The following GPC5 variants were observed in gnomAD, a reference collection of about 807,000 sequenced individuals.
The protein encoded by GPC5 is glypican 5.
A neutral mutation model predicts 53.9 loss-of-function variants in GPC5; 47 were observed. That is an observed-to-expected ratio of 0.87 (90% CI 0.69 to 1.11). The LOEUF (loss-of-function observed/expected upper bound fraction) is 1.11. Ranked by LOEUF, GPC5 falls within the 50% of genes most tolerant of loss-of-function variation. The pLI, the probability that GPC5 is intolerant of heterozygous loss-of-function variation, is 0.00. For missense variants in GPC5, 748 were observed against 713.1 expected (o/e 1.05, Z -0.56); for synonymous variants, 286 against 263.3 (o/e 1.09, Z -0.84).
intron 6 of GPC5, among the ~76,000 whole-genome samples, chr13:92,140,853 C>G (rs1366740660): frequency 6.6e-6 from 1 of 152,142 alleles, no homozygotes; most frequent in Admixed American, 6.5e-5. Context: ...ATCTCACTTC[C>G]AGTTGCTGCT....
At chr13:91,618,018 A>G (rs537211102) in intron 2 of GPC5, among the ~76,000 whole-genome samples, 2 of 152,200 alleles carry the variant, frequency 1.3e-5, no homozygotes, top group African/African-American at 4.8e-5. Context: ...GAAAAATGTA[A>G]AAATCACTCT....
chr13:91,399,295 A>C (rs1457291572), intron 1 of GPC5, 86 bp downstream of exon 1: 1 of 1,474,644 alleles, frequency 6.8e-7, no homozygotes, highest in East Asian at 2.4e-5. Flanking sequence ...CACTCGTGGG[A>C]AGATGACCTT....
At chr13:92,186,560 T>C (rs762780104) in intron 7 of GPC5, among the ~76,000 whole-genome samples, 3 of 151,894 alleles carry the variant, frequency 2.0e-5, no homozygotes, top group Admixed American at 6.5e-5. Flanking sequence ...AGTAAGGTTT[T>C]AAAATATATT....
chr13:92,002,520 T>G (rs554506380), intron 6 of GPC5, among the ~76,000 whole-genome samples: 1 of 152,176 alleles, frequency 6.6e-6, no homozygotes, highest in Non-Finnish European at 1.5e-5. Flanking sequence ...GCCACCAACA[T>G]TTTGTTGGAT....
At chr13:92,700,740 C>G (rs1056385876) in intron 7 of GPC5, among the ~76,000 whole-genome samples, 1 of 152,034 alleles carries the variant, frequency 6.6e-6, no homozygotes, top group Non-Finnish European at 1.5e-5. Flanking sequence ...CAGCTTTTCT[C>G]TGAGGTTACC....
At chr13:92,849,115 A>T (rs1413863255) in intron 7 of GPC5, among the ~76,000 whole-genome samples, 2 of 151,396 alleles carry the variant, frequency 1.3e-5, no homozygotes, top group African/African-American at 4.9e-5. Flanking sequence ...CCATCTAAAT[A>T]CACACCTCCA....
chr13:92,320,770 C>G (rs147874441), intron 7 of GPC5, among the ~76,000 whole-genome samples: 1 of 152,020 alleles, frequency 6.6e-6, no homozygotes, highest in Non-Finnish European at 1.5e-5. Context: ...TAATTAGGGC[C>G]CCCAAATGTC....
Position 92,459,448 on chromosome 13 carries a change from G to A in GPC5, c.1561+314459G>A, listed in dbSNP as rs187894394. On this transcript the variant is annotated intron_variant, in intron 7 of 7. Transcript: ENST00000377067. ...TCTGTTCATCAAAGAGTAATTTACT[G>A]TCAAATCCAATAAGTGACAGGGTAT... 3.9e-5 allele frequency among the ~76,000 whole-genome samples: 6 copies of A among 152,254 alleles called. No homozygotes were observed. In the East Asian group the frequency reaches 1.2e-3, roughly 29 times the overall value.
At chr13:92,016,740 T>TC (rs1727094352) in intron 6 of GPC5, among the ~76,000 whole-genome samples, 1 of 138,238 alleles carries the variant, frequency 7.2e-6, no homozygotes, top group African/African-American at 2.6e-5. Flanking sequence ...TTTTTTTTTT[T>TC]CTTTTGAGCC....
chr13:91,601,716 A>C (rs1290883190), intron 2 of GPC5, among the ~76,000 whole-genome samples: 1 of 152,206 alleles, frequency 6.6e-6, no homozygotes, highest in African/African-American at 2.4e-5. Context: ...CATCACCCCC[A>C]GATGGGACTG....
intron 6 of GPC5, among the ~76,000 whole-genome samples, chr13:91,939,504 C>CA (rs1176911957): frequency 6.6e-6 from 1 of 152,140 alleles, no homozygotes; most frequent in African/African-American, 2.4e-5. Context: ...GTAAGCATCT[C>CA]ACAAATATTA....
At chr13:92,804,380 C>G (rs1015200512) in intron 7 of GPC5, among the ~76,000 whole-genome samples, 2 of 151,860 alleles carry the variant, frequency 1.3e-5, no homozygotes, top group Non-Finnish European at 2.9e-5. Context: ...TAGACCACAA[C>G]AATAAAGCAA....
At chr13:92,778,502 C>T (rs1030036624) in intron 7 of GPC5, among the ~76,000 whole-genome samples, 2 of 152,170 alleles carry the variant, frequency 1.3e-5, no homozygotes, top group Non-Finnish European at 1.5e-5. Context: ...TGGACTAAAC[C>T]ACACATTATT....
At chr13:92,588,934 G>T (rs1458040208) in intron 7 of GPC5, among the ~76,000 whole-genome samples, 1 of 152,156 alleles carries the variant, frequency 6.6e-6, no homozygotes, top group Non-Finnish European at 1.5e-5. Flanking sequence ...TAACCAAGGT[G>T]TATAGAAATC....
intron 7 of GPC5, among the ~76,000 whole-genome samples, chr13:92,759,149 AG>A (rs1875052954): frequency 6.6e-6 from 1 of 151,556 alleles, no homozygotes; most frequent in Non-Finnish European, 1.5e-5. Context: ...TGCTTTCTAT[AG>A]ATAGCTGTGT....
chr13:92,628,264 C>CTTTTTTTTTTTTTTTTTTTTTTTTTTTTT lies in GPC5; in HGVS notation c.1562-238017_1562-237989dup, dbSNP rs71123419. ...TTTTCTTTTCTTTTTCTTTTTCTTT[C>CTTTTTTTTTTTTTTTTTTTTTTTTTTTTT]TTTTTTTTTTTTTTTTTTTTTTTTT... On this transcript the variant is annotated intron_variant, in intron 7 of 7. Coordinates refer to ENST00000377067, the MANE Select transcript of GPC5 (RefSeq NM_004466.6). 3.5e-3 allele frequency among the ~76,000 whole-genome samples: 159 copies of CTTTTTTTTTTTTTTTTTTTTTTTTTTTTT among 45,358 alleles called. 29 individuals are homozygous for CTTTTTTTTTTTTTTTTTTTTTTTTTTTTT. Among genetic ancestry groups the CTTTTTTTTTTTTTTTTTTTTTTTTTTTTT allele is most frequent in the Non-Finnish European group, 4.0e-3 (92 of 23,118 alleles). 29.8% of individuals were successfully genotyped at this position (45,358 alleles called of 152,430 possible). A position where few individuals can be genotyped will look rare whatever the true frequency, so the allele number is the denominator to read the frequency against.
At chr13:92,561,020 G>A (rs1392606206) in intron 7 of GPC5, among the ~76,000 whole-genome samples, 2 of 151,870 alleles carry the variant, frequency 1.3e-5, no homozygotes, top group Non-Finnish European at 2.9e-5. Context: ...AACACAATAT[G>A]ATTTATGCAG....
At chr13:92,061,350 T>G (rs72635438) in intron 6 of GPC5, among the ~76,000 whole-genome samples, 1,720 of 152,150 alleles carry the variant, frequency 0.011, 23 homozygotes, top group Middle Eastern at 0.024. Flanking sequence ...TGCTATGCTA[T>G]TAACTAATAT....
intron 7 of GPC5, among the ~76,000 whole-genome samples, chr13:92,410,743 TCTC>T (rs1876005914): frequency 1.3e-5 from 2 of 152,198 alleles, no homozygotes; most frequent in Non-Finnish European, 2.9e-5. Flanking sequence ...ATTAAATTGT[TCTC>T]CTCAAGCATG....
Sources: allele counts gnomAD v4.1 joint callset (sites outside exome capture counted in the v4.1 genomes callset), GRCh38; gene constraint gnomAD v4.1.1; transcripts MANE v1.5; gene names NCBI Gene and HGNC (gene_info 2026-07-23, HGNC 2026-07-21).